The following FBXO33 variants were observed in gnomAD, a reference collection of about 807,000 sequenced individuals.
FBXO33 encodes the protein F-box protein 33, also known as F-box only protein 33.
FBXO33 carries 22 observed loss-of-function variants against 46.3 expected under a neutral mutation model. The observed-to-expected ratio is 0.48, with a 90% CI of 0.34 to 0.68. FBXO33 has a LOEUF of 0.68. FBXO33 is among the 30% of genes least tolerant of loss of function. The pLI is 0.01. For synonymous variants in FBXO33, 337 were observed against 291.3 expected, an observed-to-expected ratio of 1.16 and a Z score of -1.60; for missense variants, 692 against 708.8, an observed-to-expected ratio of 0.98 and a Z score of 0.27.
In FBXO33 at chr14:39,401,333, A is replaced by G. The variant is rs1440848830; in HGVS notation, c.1239T>C (p.Leu413=). Residue 413 remains leucine (L), a synonymous_variant, in exon 3 of 4, where the codon CTT becomes CTC. Transcript: ENST00000298097. ...ITCVSGAIVD[L]ISRQYDKFLT... is the part of the protein sequence containing the mutation. The stretch of plus-strand genomic sequence containing the variant: ...GGAACTTGTCATATTGCCTGGATAT[A>G]AGATCAACAATAGCCCCTGAAACAC... 2 of 1,614,076 alleles carry G rather than the reference A, an allele frequency of 1.2e-6. No homozygotes were observed. The highest frequency in any genetic ancestry group is 2.7e-5 in the African/African-American group (2 of 74,944).
At chr14:39,408,055 C>T (rs2075406998) in intron 1 of FBXO33, among the ~76,000 whole-genome samples, 1 of 152,162 alleles carries the variant, frequency 6.6e-6, no homozygotes, top group Admixed American at 6.5e-5. Flanking sequence ...ATTCTCTCAC[C>T]TCAGCCTCCT....
rs1490738051 is a variant in FBXO33 at position 39,431,878 on chromosome 14, G to A, written c.285C>T (p.Cys95=). 4 of 1,571,284 alleles carry A rather than the reference G, an allele frequency of 2.5e-6. No homozygotes were observed. The highest frequency in any genetic ancestry group is 2.7e-5 in the African/African-American group (2 of 74,360). The change falls in exon 1 of 4, where the codon TGC becomes TGT. Residue 95 remains cysteine, a synonymous_variant. Transcript: ENST00000298097. ...APDRLRASAS[C]SHWRECLFYP... is the part of the protein sequence containing the mutation. Reference sequence around the variant, plus strand: ...AGAAGAGGCACTCACGCCAGTGCGAGCAGGAGGCCGAGGCCCGCAGCCGGT... The same window carrying A: ...AGAAGAGGCACTCACGCCAGTGCGAACAGGAGGCCGAGGCCCGCAGCCGGT...
intron 1 of FBXO33, among the ~76,000 whole-genome samples, chr14:39,424,469 T>C (rs1175216628): frequency 6.6e-6 from 1 of 152,132 alleles, no homozygotes; most frequent in Non-Finnish European, 1.5e-5. Context: ...TCAAAAATAT[T>C]TGTTGAATAG....
intron 1 of FBXO33, among the ~76,000 whole-genome samples, chr14:39,414,259 A>C (rs985004183): frequency 1.3e-5 from 2 of 152,212 alleles, no homozygotes; most frequent in African/African-American, 4.8e-5. Context: ...TACTAGCTTC[A>C]AGCTTTTTCT....
Position 39,399,734 on chromosome 14 carries a change from C to T in FBXO33, c.1450G>A (p.Asp484Asn), listed in dbSNP as rs2075360154. The part of the protein sequence containing the change: ...LIAIARLRGS[D>N]LKVLEVTEES... ...TCGGTGACTTCAAGCACTTTCAGAT[C>T]AGAGCCCCGAAGACGAGCAATGGCA... The change falls in exon 4 of 4, where the codon GAT becomes AAT. Residue 484 changes from aspartate to asparagine, a missense_variant. Asp to Asn is a conservative substitution (Grantham distance 23, BLOSUM62 1). Coordinates refer to ENST00000298097, the MANE Select transcript of FBXO33 (RefSeq NM_203301.4). 6.2e-7 allele frequency: 1 copy of T among 1,613,022 alleles called. No homozygotes were observed. The highest frequency in any genetic ancestry group is 8.5e-7 in the Non-Finnish European group (1 of 1,179,116).
At chr14:39,407,001 A>G (rs1343024322) in intron 1 of FBXO33, among the ~76,000 whole-genome samples, 1 of 152,246 alleles carries the variant, frequency 6.6e-6, no homozygotes, top group African/African-American at 2.4e-5. Context: ...ATGATCATTT[A>G]CACAAAAATT....
intron 1 of FBXO33, among the ~76,000 whole-genome samples, chr14:39,406,799 C>G (rs1225929608): frequency 2.0e-5 from 3 of 152,194 alleles, no homozygotes; most frequent in Non-Finnish European, 2.9e-5. Flanking sequence ...AGAGTCCACA[C>G]AGTGGTAAGG....
At position 39,430,125 on chromosome 14, in the gene FBXO33, C is replaced by T. The variant is rs563359721; in HGVS notation, c.599+1439G>A. ...ATTAGTAAGTGCTCACTGACTGAAACTTTGCAACTTTTGGGTCAGTTGGTC... is the reference window on the plus strand; with the variant it reads ...ATTAGTAAGTGCTCACTGACTGAAATTTTGCAACTTTTGGGTCAGTTGGTC... On this transcript the variant is annotated intron_variant, in intron 1 of 3. Coordinates refer to ENST00000298097, the MANE Select transcript of FBXO33 (RefSeq NM_203301.4). Among the ~76,000 whole-genome samples the T allele has an allele frequency of 2.0e-5, 3 of 152,306 alleles. No homozygotes were observed. The East Asian group carries it at 5.8e-4, about 29-fold the overall frequency.
In FBXO33 at chr14:39,401,454, T is replaced by C. The variant is rs750418473; in HGVS notation, c.1118A>G (p.Tyr373Cys). The C allele has an allele frequency of 3.7e-6, 6 of 1,614,084 alleles. No homozygotes were observed. The highest frequency in any genetic ancestry group is 1.7e-5 in the Admixed American group (1 of 60,006). Residue 373 changes from tyrosine to cysteine, a missense_variant, in exon 3 of 4, where the codon TAT (tyrosine) becomes TGT (cysteine). Tyr to Cys is a radical substitution (Grantham distance 194, BLOSUM62 -2). This residue lies in a region of FBXO33 where 186 missense variants were observed against 246.1 expected (regional missense o/e 0.76). Transcript: ENST00000298097. ...LSRKSTSFRV[Y>C]IMAFDIKSED... ...ACTCTTGATATCAAAAGCCATTATA[T>C]AGACCCGAAAGCTGGTGCTCTTTCG...
chr14:39,432,026 C>T lies in FBXO33; in HGVS notation c.137G>A (p.Arg46Gln). 3 of 1,405,292 alleles carry T rather than the reference C, an allele frequency of 2.1e-6. No homozygotes were observed. The highest frequency in any genetic ancestry group is 2.8e-6 in the Non-Finnish European group (3 of 1,090,328). The allele number at this position is 1,405,292 out of a possible 1,614,324, so 87.1% of individuals were successfully genotyped here. ...RRLRGLLRVL[R>Q]GRPGAGSRRR... The stretch of plus-strand genomic sequence containing the variant: ...CCGGCTGCCGGCTCCCGGCCGCCCC[C>T]GCAGTACCCGGAGCAGCCCCCGCAG... Residue 46 changes from arginine to glutamine, a missense_variant, in exon 1 of 4, where the codon CGG becomes CAG. This residue lies in a region of FBXO33 where 412 missense variants were observed against 370.8 expected (regional missense o/e 1.11). Transcript: ENST00000298097.
At chr14:39,415,967 T>C (rs1040038800) in intron 1 of FBXO33, among the ~76,000 whole-genome samples, 3 of 152,224 alleles carry the variant, frequency 2.0e-5, no homozygotes, top group Non-Finnish European at 4.4e-5. Context: ...GTGTCCGGCC[T>C]AATACCATTG....
At chr14:39,420,480 G>GGAC (rs1309488172) in intron 1 of FBXO33, among the ~76,000 whole-genome samples, 1 of 152,174 alleles carries the variant, frequency 6.6e-6, no homozygotes, top group Non-Finnish European at 1.5e-5. Flanking sequence ...CACGAGGTCA[G>GGAC]ATCGAGACCA....
chr14:39,417,473 G>C (rs1189790182), intron 1 of FBXO33, among the ~76,000 whole-genome samples: 1 of 152,166 alleles, frequency 6.6e-6, no homozygotes, highest in East Asian at 1.9e-4. Flanking sequence ...ATGTGGCTGG[G>C]TGCTACAACT....
intron 1 of FBXO33, among the ~76,000 whole-genome samples, chr14:39,424,878 C>A (rs779381586): frequency 3.9e-5 from 6 of 151,994 alleles, no homozygotes; most frequent in Admixed American, 6.6e-5. Flanking sequence ...TATGGTGAAA[C>A]CCCGTCTCTA....
At position 39,401,592 on chromosome 14, in the gene FBXO33, G is replaced by A. The variant is rs2075368829; in HGVS notation, c.980C>T (p.Thr327Ile). ...DFTAEMARVL[T>I]DSNHVPLQRL... ...TTGCAAAGGCACATGGTTGCTATCA[G>A]TTAAGACTCTTGCCATCTCAGCTGT... The change falls in exon 3 of 4, where the codon ACT (threonine) becomes ATT (isoleucine). Residue 327 changes from threonine (T) to isoleucine (I), a missense_variant. Thr to Ile is a moderately conservative substitution (Grantham distance 89, BLOSUM62 -1). Around this residue, in one of 3 missense-constraint regions of FBXO33, gnomAD observed 186 missense variants for 246.1 expected, o/e 0.76. Transcript: ENST00000298097. The A allele has an allele frequency of 6.2e-7, 1 of 1,614,166 alleles. No homozygotes were observed. The highest frequency in any genetic ancestry group is 1.3e-5 in the African/African-American group (1 of 75,064).
chr14:39,418,634 G>C (rs1434945421), intron 1 of FBXO33, among the ~76,000 whole-genome samples: 11 of 151,308 alleles, frequency 7.3e-5, no homozygotes, highest in African/African-American at 2.7e-4. Flanking sequence ...AATTAGCCAG[G>C]CGTGGTGGCG....
In FBXO33 at chr14:39,431,988, T is replaced by A. The variant is rs1481769073; in HGVS notation, c.175A>T (p.Met59Leu). The A allele has an allele frequency of 1.4e-6, 2 of 1,445,640 alleles. No individual in the cohort carries two copies. The highest frequency in any genetic ancestry group is 1.8e-6 in the Non-Finnish European group (2 of 1,112,610). 89.6% of individuals were successfully genotyped at this position (1,445,640 alleles called of 1,614,324 possible). The stretch of plus-strand genomic sequence containing the variant: ...CCCGCCGCCTGCCCGCACAGAGCCA[T>A]CCGGCCCCGCCGCCGGCTGCCGGCT... ...PGAGSRRRGR[M>L]ALCGQAAGAA... The change falls in exon 1 of 4, where the codon ATG becomes TTG. Residue 59 changes from methionine to leucine, a missense_variant. Coordinates refer to ENST00000298097, the MANE Select transcript of FBXO33 (RefSeq NM_203301.4).
intron 3 of FBXO33, among the ~76,000 whole-genome samples, chr14:39,400,329 C>T (rs570157481): frequency 6.6e-6 from 1 of 152,242 alleles, no homozygotes; most frequent in South Asian, 2.1e-4. Context: ...AGAATAATAA[C>T]TACTTCTGGG....
chr14:39,430,223 A>C lies in FBXO33; in HGVS notation c.599+1341T>G, dbSNP rs1290000988. 5.9e-5 allele frequency among the ~76,000 whole-genome samples: 9 copies of C among 152,356 alleles called. No individual in the cohort carries two copies. In the South Asian group the frequency reaches 1.0e-3, roughly 18 times the overall value. On this transcript the variant is annotated intron_variant, in intron 1 of 3. Coordinates refer to ENST00000298097, the MANE Select transcript of FBXO33 (RefSeq NM_203301.4). ...TTTAGCTTCAATGGCCTCTCCTGCC[A>C]GATAAAACCAAAGTAAGGAAATAGA...
Sources: allele counts gnomAD v4.1 joint callset (sites outside exome capture counted in the v4.1 genomes callset), GRCh38; gene constraint gnomAD v4.1.1; regional missense constraint gnomAD v4.1.1; transcripts MANE v1.5; gene names NCBI Gene and HGNC (gene_info 2026-07-23, HGNC 2026-07-21).